Variants in PTPN22 observed in about 807,000 individuals in gnomAD.
PTPN22 encodes tyrosine-protein phosphatase non-receptor type 22.
Under a neutral mutation model 103.3 loss-of-function variants are expected in PTPN22, and 85 were observed. The observed-to-expected ratio is 0.82, with a 90% confidence interval of 0.69 to 0.99. PTPN22 has a LOEUF of 0.99. Among genes scored for constraint, PTPN22 ranks in the 50% least tolerant of loss-of-function variants. PTPN22 has a pLI of 0.00. For synonymous variants in PTPN22, 323 were observed against 310.2 expected, an observed-to-expected ratio of 1.04 and a Z score of -0.43; for missense variants, 865 against 936.9, an observed-to-expected ratio of 0.92 and a Z score of 1.00.
chr1:113,856,677 C>T (rs1039936051), intron 5 of PTPN22, 58 bp from the exon 6 acceptor site: 2 of 1,610,182 alleles, frequency 1.2e-6, no homozygotes, highest in African/African-American at 2.7e-5. Context: ...CTTTTCCACT[C>T]TCTCATTTGG....
At chr1:113,828,671 C>T (rs114997258) in intron 18 of PTPN22, among the ~76,000 whole-genome samples, 5,364 of 152,254 alleles carry the variant, frequency 0.035, 129 homozygotes, top group Middle Eastern at 0.11. Context: ...GAGATGACGT[C>T]TCACTCTGTC....
At chr1:113,870,082 G>A (rs1666452706) in intron 1 of PTPN22, among the ~76,000 whole-genome samples, 1 of 152,074 alleles carries the variant, frequency 6.6e-6, no homozygotes, top group Admixed American at 6.5e-5. Flanking sequence ...GGTTCTTTTT[G>A]TTCACCGCTG....
intron 16 of PTPN22, among the ~76,000 whole-genome samples, chr1:113,831,497 CA>C (rs1159467936): frequency 3.3e-5 from 5 of 152,050 alleles, no homozygotes; most frequent in Non-Finnish European, 5.9e-5. Context: ...TTAAGTCCTT[CA>C]GAATCTTGCC....
chr1:113,854,939 C>T (rs1396727365), exon 8 of PTPN22: 2 of 1,613,152 alleles, frequency 1.2e-6, no homozygotes, highest in South Asian at 1.1e-5. Context: ...CACTGTCATC[C>T]TCTTGGTAAC....
At position 113,825,703 on chromosome 1, in the gene PTPN22, A is replaced by ATGTTGT. The variant is rs752873236; in HGVS notation, c.2251-537_2251-532dup. ...CATGTCTTTTAAAAAAGATTAATAA[A>ATGTTGT]TGTTGTTGTTGTTGTTGTTGTTGTT... On this transcript the variant is annotated intron_variant, in intron 18 of 20. Transcript: ENST00000359785. Among the ~76,000 whole-genome samples, 163 of 151,122 alleles carry ATGTTGT rather than the reference A, an allele frequency of 1.1e-3. 4 individuals are homozygous for ATGTTGT. In the South Asian group the frequency reaches 0.023, roughly 21 times the overall value.
chr1:113,852,365 C>T (rs757465800), intron 9 of PTPN22, among the ~76,000 whole-genome samples: 11 of 151,950 alleles, frequency 7.2e-5, no homozygotes, highest in African/African-American at 1.7e-4. Context: ...ATAGATATAA[C>T]GAGGGACAGG....
At chr1:113,859,011 G>A (rs1571454682) in exon 3 of PTPN22, 1 of 1,613,670 alleles carries the variant, frequency 6.2e-7, no homozygotes, top group Non-Finnish European at 8.5e-7. Context: ...CCTTAATGAA[G>A]TTGGCATTGA....
intron 1 of PTPN22, among the ~76,000 whole-genome samples, chr1:113,867,692 G>C (rs1666231144): frequency 6.6e-6 from 1 of 152,180 alleles, no homozygotes; most frequent in Admixed American, 6.5e-5. Context: ...AGCACTCAAT[G>C]AATGTTTATA....
At chr1:113,834,490 C>T (rs1369350471) in intron 14 of PTPN22, 51 bp from the exon 15 acceptor site, 4 of 1,543,666 alleles carry the variant, frequency 2.6e-6, no homozygotes, top group Admixed American at 1.7e-5. Context: ...TTCTTTTAGA[C>T]ATCAAATGTT....
At chr1:113,834,882 T>C (rs758448731) in intron 14 of PTPN22, 28 bp downstream of exon 14, 2 of 1,492,772 alleles carry the variant, frequency 1.3e-6, no homozygotes, top group Admixed American at 2.2e-5. Flanking sequence ...TCCCACACTT[T>C]ATTTTATACT....
rs1468068212 is a variant in PTPN22 at position 113,837,659 on chromosome 1, GT to G, written c.1740del (p.His581MetfsTer6). On this transcript the variant is annotated frameshift_variant, in exon 13 of 21. Transcript: ENST00000359785. LOFTEE classifies it high-confidence loss of function. Reference sequence around the variant, plus strand: ...GGAGAATTCAGTGATAAAGAATCATGTGAATTGTAATAAGAGAAGAGGGATG... The same window carrying G: ...GGAGAATTCAGTGATAAAGAATCATGGAATTGTAATAAGAGAAGAGGGATG... The G allele has an allele frequency of 6.2e-7, 1 of 1,604,872 alleles. No individual in the cohort carries two copies.
At chr1:113,848,746 C>T (rs992237338) in intron 10 of PTPN22, 120 bp from the exon 11 acceptor site, 16 of 876,334 alleles carry the variant, frequency 1.8e-5, no homozygotes, top group African/African-American at 1.7e-4. Context: ...CCCAAAAGGA[C>T]GATCGGCATG....
At chr1:113,841,849 C>T (rs535536060) in intron 11 of PTPN22, among the ~76,000 whole-genome samples, 5 of 151,962 alleles carry the variant, frequency 3.3e-5, no homozygotes, top group Non-Finnish European at 5.9e-5. Flanking sequence ...GTGATCTGCC[C>T]GCCTCGGCCT....
At chr1:113,839,715 T>C (rs1348280575) in intron 11 of PTPN22, among the ~76,000 whole-genome samples, 2 of 152,196 alleles carry the variant, frequency 1.3e-5, no homozygotes, top group Admixed American at 1.3e-4. Context: ...TAAGGAAATG[T>C]TCTCAACATG....
rs752452605 is a variant in PTPN22 at position 113,852,045 on chromosome 1, A to AG, written c.809dup (p.Ser271PhefsTer10). The AG allele has an allele frequency of 6.2e-7, 1 of 1,609,888 alleles. No individual in the cohort carries two copies. On this transcript the variant is annotated frameshift_variant, in exon 10 of 21. Transcript: ENST00000359785. LOFTEE classifies it high-confidence loss of function. ...TTCATACCTGCGTTTGAACTAATGA[A>AG]GGCCTCTGTGTCCGCATTTCCCGGA...
intron 19 of PTPN22, among the ~76,000 whole-genome samples, chr1:113,821,263 AC>A (rs1661576679): frequency 6.6e-6 from 1 of 152,058 alleles, no homozygotes; most frequent in South Asian, 2.1e-4. Context: ...ATCAGAGGAA[AC>A]TGCTATTTTG....
At chr1:113,871,627 G>A (rs376492295) in exon 1 of PTPN22, 1 of 1,613,530 alleles carries the variant, frequency 6.2e-7, no homozygotes, top group Non-Finnish European at 8.5e-7. Flanking sequence ...GGTCCATGCT[G>A]CAGAGCAAGA....
chr1:113,819,528 G>T lies in PTPN22; in HGVS notation c.2359+49C>A. On this transcript the variant is annotated intron_variant, in intron 20 of 20. Coordinates refer to ENST00000359785, the Ensembl canonical transcript of PTPN22. ...AAGTTGAATCAGTTATACTGTAAAT[G>T]AGTAATTTAGGTAATTTTTTTAACT... 3.6e-6 allele frequency: 5 copies of T among 1,388,840 alleles called. No homozygotes were observed. The South Asian group carries it at 3.8e-5, about 10-fold the overall frequency. 86.0% of individuals were successfully genotyped at this position (1,388,840 alleles called of 1,614,324 possible). A position where few individuals can be genotyped will look rare whatever the true frequency, so the allele number is the denominator to read the frequency against.
At chr1:113,833,057 C>A (rs539977574) in intron 16 of PTPN22, 54 bp downstream of exon 16, 6 of 1,487,056 alleles carry the variant, frequency 4.0e-6, no homozygotes, top group African/African-American at 1.4e-5. Context: ...ACTTAACGAA[C>A]CATTCTTCCA....
Sources: gnomAD v4.1 joint callset for allele counts (sites outside exome capture counted in the v4.1 genomes callset) on GRCh38, gnomAD v4.1.1 for gene constraint, MANE v1.5 for transcripts, NCBI Gene and HGNC (gene_info 2026-07-23, HGNC 2026-07-21) for gene names.